RASEF: variants seen among roughly 807,000 people sequenced by gnomAD.
RASEF encodes RAS and EF-hand domain containing, also known as ras and EF-hand domain-containing protein.
Under a neutral mutation model 90.1 loss-of-function variants are expected in RASEF, and 68 were observed. The ratio of observed to expected loss-of-function variants is 0.75; its 90% CI spans 0.62 to 0.92. The LOEUF is 0.92. Ranked by LOEUF, RASEF falls within the 40% of genes least tolerant of loss-of-function variation. The probability of loss-of-function intolerance (pLI) is 0.00; values close to 1 mark genes in which losing one functional copy is unlikely to be tolerated. For missense variants in RASEF, 949 were observed against 937.2 expected, an observed-to-expected ratio of 1.01 and a Z score of -0.16; for synonymous variants, 331 against 345.2, an observed-to-expected ratio of 0.96 and a Z score of 0.46.
chr9:83,089,931 TAG>T, the RASEF span, among the ~76,000 whole-genome samples: 7 of 150,766 alleles, frequency 4.6e-5, no homozygotes, highest in African/African-American at 1.7e-4. Context: ...GATAGATAGA[TAG>T]ATAGATAGAT....
At chr9:83,037,626 T>C (rs1303280367) in intron 1 of RASEF, among the ~76,000 whole-genome samples, 2 of 152,172 alleles carry the variant, frequency 1.3e-5, no homozygotes, top group Non-Finnish European at 2.9e-5. Flanking sequence ...CACACATAAT[T>C]ACATTATCTC....
the RASEF span, among the ~76,000 whole-genome samples, chr9:83,169,565 GT>G: frequency 1.3e-5 from 2 of 151,398 alleles, no homozygotes; most frequent in African/African-American, 4.9e-5. Context: ...TGTTTGGTTG[GT>G]TTTTTTGTTT....
Position 83,062,597 on chromosome 9 carries a change from C to T in RASEF, c.271G>A (p.Ala91Thr). The change falls in exon 1 of 17, where the codon GCC becomes ACC. Residue 91 changes from alanine to threonine, a missense_variant. Ala to Thr is a moderately conservative substitution (Grantham distance 58). Transcript: ENST00000376447. ...GTCTCCGGCCCCGCCTCAGACACGGCGGGCGCGGGATCCAGAGGACCCCAG... is the reference window on the plus strand; with the variant it reads ...GTCTCCGGCCCCGCCTCAGACACGGTGGGCGCGGGATCCAGAGGACCCCAG... ...RDWGPLDPAPAVSEAGPETHD... is the reference protein window; with the variant it reads ...RDWGPLDPAPTVSEAGPETHD... 1 of 1,571,700 alleles carries T rather than the reference C, an allele frequency of 6.4e-7. No homozygotes were observed. The highest frequency in any genetic ancestry group is 8.6e-7 in the Non-Finnish European group (1 of 1,161,874).
the RASEF span, among the ~76,000 whole-genome samples, chr9:83,209,633 T>C: frequency 6.6e-6 from 1 of 152,220 alleles, no homozygotes; most frequent in Non-Finnish European, 1.5e-5. Flanking sequence ...AACACTGCAA[T>C]TCATGAAATA....
chr9:83,075,352 C>T, the RASEF span, among the ~76,000 whole-genome samples: 14 of 152,088 alleles, frequency 9.2e-5, no homozygotes, highest in East Asian at 9.7e-4. Flanking sequence ...TATGTGTGTG[C>T]GTGTATATGT....
chr9:83,169,350 TACACACACACAC>T, the RASEF span, among the ~76,000 whole-genome samples: 35,269 of 145,962 alleles, frequency 0.24, 4,223 homozygotes, highest in Middle Eastern at 0.38. Context: ...CTGATTTCCA[TACACACACACAC>T]ACACACACAC....
the RASEF span, among the ~76,000 whole-genome samples, chr9:83,153,687 TGTTTAAC>T: frequency 1.3e-5 from 2 of 152,228 alleles, no homozygotes; most frequent in African/African-American, 4.8e-5. Context: ...TGCACAAGGC[TGTTTAAC>T]GCCTCTCTTC....
chr9:83,009,826 G>T, intron 5 of RASEF, 70 bp from the exon 6 acceptor site: 1 of 895,454 alleles, frequency 1.1e-6, no homozygotes, highest in Non-Finnish European at 1.8e-6. Flanking sequence ...GAAGTAAAGT[G>T]TCCTGTCACC....
intron 5 of RASEF, among the ~76,000 whole-genome samples, chr9:83,010,769 G>T (rs1391038094): frequency 6.6e-6 from 1 of 152,146 alleles, no homozygotes; most frequent in East Asian, 1.9e-4. Context: ...GGTAACTGGG[G>T]TCCCCTGCCA....
the RASEF span, among the ~76,000 whole-genome samples, chr9:83,155,376 G>A: frequency 1.3e-5 from 2 of 152,132 alleles, no homozygotes; most frequent in Admixed American, 6.5e-5. Context: ...AGGCCAGGGA[G>A]GCCTCACAAT....
At chr9:83,172,505 ATGTTTTCT>A in the RASEF span, among the ~76,000 whole-genome samples, 41 of 151,236 alleles carry the variant, frequency 2.7e-4, no homozygotes, top group African/African-American at 9.9e-4. Flanking sequence ...CACTGGTGGT[ATGTTTTCT>A]TTTTCTTTCA....
chr9:83,188,857 C>T, the RASEF span, among the ~76,000 whole-genome samples: 1 of 152,184 alleles, frequency 6.6e-6, no homozygotes, highest in Admixed American at 6.5e-5. Context: ...TCAACCACAG[C>T]TCAAGGTCTT....
chr9:83,117,334 C>A, the RASEF span, among the ~76,000 whole-genome samples: 1 of 152,158 alleles, frequency 6.6e-6, no homozygotes, highest in Non-Finnish European at 1.5e-5. Context: ...TGCATAGAGC[C>A]TATACGTTGG....
chr9:83,070,200 C>T, the RASEF span, among the ~76,000 whole-genome samples: 1 of 152,104 alleles, frequency 6.6e-6, no homozygotes, highest in Non-Finnish European at 1.5e-5. Context: ...ATCTAAGAAG[C>T]ATCTGTCTAC....
At chr9:83,158,853 G>T in the RASEF span, among the ~76,000 whole-genome samples, 1 of 151,054 alleles carries the variant, frequency 6.6e-6, no homozygotes, top group Non-Finnish European at 1.5e-5. Context: ...CTCACCTGGG[G>T]TAGGTAAATA....
At chr9:83,132,225 C>T in the RASEF span, among the ~76,000 whole-genome samples, 1 of 152,110 alleles carries the variant, frequency 6.6e-6, no homozygotes, top group African/African-American at 2.4e-5. Flanking sequence ...AGTTGCCATA[C>T]TGGCATCAGA....
chr9:83,046,052 C>CTATATTTTCA (rs919910211), intron 1 of RASEF, among the ~76,000 whole-genome samples: 2 of 151,692 alleles, frequency 1.3e-5, no homozygotes, highest in African/African-American at 2.4e-5. Context: ...CTGCAAAATC[C>CTATATTTTCA]TATATTTTCA....
the RASEF span, among the ~76,000 whole-genome samples, chr9:83,206,093 TA>T: frequency 2.0e-5 from 3 of 152,332 alleles, no homozygotes; most frequent in East Asian, 5.8e-4. Flanking sequence ...ATTATAAGCA[TA>T]TTTTAATAAT....
the RASEF span, among the ~76,000 whole-genome samples, chr9:83,106,484 C>T: frequency 2.3e-4 from 35 of 152,152 alleles, no homozygotes; most frequent in African/African-American, 8.2e-4. Flanking sequence ...TGGGAGACTT[C>T]AGCACATGCT....
Sources: gnomAD v4.1 joint callset for allele counts (sites outside exome capture counted in the v4.1 genomes callset) on GRCh38, gnomAD v4.1.1 for gene constraint, MANE v1.5 for transcripts, NCBI Gene and HGNC (gene_info 2026-07-23, HGNC 2026-07-21) for gene names.